HHIPL1: variants seen among roughly 807,000 people sequenced by gnomAD.
The protein encoded by HHIPL1 is HHIP-like protein 1.
Under a neutral mutation model 61.8 loss-of-function variants are expected in HHIPL1, and 43 were observed. The ratio of observed to expected loss-of-function variants is 0.70; its 90% CI spans 0.55 to 0.90. HHIPL1 has a LOEUF of 0.90. Among genes scored for constraint, HHIPL1 ranks in the 40% least tolerant of loss-of-function variants. The pLI is 0.00. For synonymous variants in HHIPL1, 482 were observed against 515.8 expected (o/e 0.93, Z 0.89); for missense variants, 1,056 against 1,157.7 (o/e 0.91, Z 1.28).
At chr14:99,628,782 T>C in the HHIPL1 span, among the ~76,000 whole-genome samples, 1 of 152,080 alleles carries the variant, frequency 6.6e-6, no homozygotes, top group Non-Finnish European at 1.5e-5. Flanking sequence ...GCTTCCTGTG[T>C]GGCCTCAGCT....
chr14:99,663,972 A>G (rs1325320031), intron 6 of HHIPL1, among the ~76,000 whole-genome samples: 3 of 152,170 alleles, frequency 2.0e-5, no homozygotes, highest in Admixed American at 6.5e-5. Flanking sequence ...CAATGAAACC[A>G]CATAATTATT....
chr14:99,674,034 A>G (rs1262774075), intron 8 of HHIPL1, among the ~76,000 whole-genome samples: 1 of 151,742 alleles, frequency 6.6e-6, no homozygotes, highest in Non-Finnish European at 1.5e-5. Context: ...GGTGGGGGCC[A>G]GGGGCCAGGG....
chr14:99,620,831 C>T, the HHIPL1 span, among the ~76,000 whole-genome samples: 3 of 152,232 alleles, frequency 2.0e-5, no homozygotes, highest in Admixed American at 2.0e-4. Context: ...CCATTTCCCT[C>T]TGGGGACACC....
the HHIPL1 span, among the ~76,000 whole-genome samples, chr14:99,630,809 G>A: frequency 1.3e-5 from 2 of 152,170 alleles, no homozygotes; most frequent in Non-Finnish European, 2.9e-5. Context: ...TCCTTCTGAG[G>A]CTACAAAGTC....
the HHIPL1 span, among the ~76,000 whole-genome samples, chr14:99,619,657 G>T: frequency 6.6e-6 from 1 of 152,020 alleles, no homozygotes; most frequent in Non-Finnish European, 1.5e-5. Context: ...TAGGGATCAG[G>T]CTGGGATGTC....
At chr14:99,657,312 C>T (rs2056065166) in intron 3 of HHIPL1, among the ~76,000 whole-genome samples, 169 bp downstream of exon 3, 1 of 152,146 alleles carries the variant, frequency 6.6e-6, no homozygotes, top group Non-Finnish European at 1.5e-5. Context: ...AAGTCACTTG[C>T]CCTCATCAGT....
chr14:99,609,519 T>G, the HHIPL1 span, among the ~76,000 whole-genome samples: 2 of 152,224 alleles, frequency 1.3e-5, no homozygotes, highest in African/African-American at 4.8e-5. Context: ...GCTGCCACCT[T>G]CTTCCTTTTG....
chr14:99,607,209 C>A, the HHIPL1 span, among the ~76,000 whole-genome samples: 1 of 151,446 alleles, frequency 6.6e-6, no homozygotes, highest in African/African-American at 2.4e-5. Flanking sequence ...CTTTTCTTTT[C>A]TTTTTTCCCC....
the HHIPL1 span, among the ~76,000 whole-genome samples, chr14:99,613,949 T>C: frequency 1.3e-5 from 2 of 152,030 alleles, no homozygotes; most frequent in African/African-American, 2.4e-5. Context: ...ATTCCTAGCA[T>C]AGAGCCTGGG....
At chr14:99,662,761 G>GTCTTC in intron 5 of HHIPL1, 115 bp from the exon 6 acceptor site, 1 of 956,368 alleles carries the variant, frequency 1.0e-6, no homozygotes, top group Non-Finnish European at 1.6e-6. Context: ...AAGGATGGAG[G>GTCTTC]GAAGAAGGGA....
intron 6 of HHIPL1, among the ~76,000 whole-genome samples, chr14:99,666,875 C>A (rs1448773417): frequency 6.6e-6 from 1 of 152,190 alleles, no homozygotes; most frequent in African/African-American, 2.4e-5. Context: ...GCGTACTGCT[C>A]TCCTCATCCC....
chr14:99,663,194 G>A (rs1286877742), intron 6 of HHIPL1, among the ~76,000 whole-genome samples, 173 bp downstream of exon 6: 1 of 152,148 alleles, frequency 6.6e-6, no homozygotes, highest in East Asian at 1.9e-4. Context: ...ACGGAAAGGG[G>A]TCCCAATCCA....
the HHIPL1 span, among the ~76,000 whole-genome samples, chr14:99,624,428 C>A: frequency 6.6e-6 from 1 of 152,166 alleles, no homozygotes; most frequent in Non-Finnish European, 1.5e-5. Flanking sequence ...CGACACAGGA[C>A]CTGGGCCAGG....
In HHIPL1 at chr14:99,664,532, G is replaced by A. The variant is rs528725753; in HGVS notation, c.1648+1511G>A. ...AGGAGGAGGCACCAGTGAGACTGGC[G>A]GCCCAGGGACAGCTCTGGCAGTGGC... On this transcript the variant is annotated intron_variant, in intron 6 of 8. Coordinates refer to ENST00000330710, the MANE Select transcript of HHIPL1 (RefSeq NM_001127258.3). Among the ~76,000 whole-genome samples, 7 of 152,302 alleles carry A rather than the reference G, an allele frequency of 4.6e-5. No individual in the cohort carries two copies. The East Asian group carries it at 5.8e-4, about 13-fold the overall frequency.
chr14:99,640,794 C>T (rs1261520138), upstream of HHIPL1, among the ~76,000 whole-genome samples: 1 of 151,828 alleles, frequency 6.6e-6, no homozygotes, highest in African/African-American at 2.4e-5. Flanking sequence ...TTTCACCCAT[C>T]CATGTGCTAT....
At chr14:99,613,376 A>G in the HHIPL1 span, among the ~76,000 whole-genome samples, 1 of 151,526 alleles carries the variant, frequency 6.6e-6, no homozygotes, top group African/African-American at 2.4e-5. Context: ...CCCAGGCTGG[A>G]GTGCAGTGGT....
At chr14:99,609,724 G>A in the HHIPL1 span, among the ~76,000 whole-genome samples, 8 of 152,244 alleles carry the variant, frequency 5.3e-5, no homozygotes, top group African/African-American at 9.6e-5. Flanking sequence ...GTTAACCATC[G>A]TGCCAGGCAC....
At chr14:99,654,203 A>G (rs113188183) in intron 2 of HHIPL1, among the ~76,000 whole-genome samples, 225 of 151,126 alleles carry the variant, frequency 1.5e-3, no homozygotes, top group African/African-American at 4.8e-3. Flanking sequence ...AAAAAAAAAA[A>G]AAAAAGAAAA....
upstream of HHIPL1, among the ~76,000 whole-genome samples, chr14:99,644,233 C>T (rs546609723): frequency 2.6e-5 from 4 of 152,190 alleles, no homozygotes; most frequent in South Asian, 2.1e-4. Flanking sequence ...CGGATGTGTG[C>T]GTTGGGGCCA....
Sources: allele counts gnomAD v4.1 joint callset (sites outside exome capture counted in the v4.1 genomes callset), GRCh38; gene constraint gnomAD v4.1.1; transcripts MANE v1.5; gene names NCBI Gene and HGNC (gene_info 2026-07-23, HGNC 2026-07-21).